Variants in CDKAL1 observed in about 807,000 individuals in gnomAD.
CDKAL1 encodes the protein CDKAL1 threonylcarbamoyladenosine tRNA methylthiotransferase, also known as threonylcarbamoyladenosine tRNA methylthiotransferase.
Under a neutral mutation model 68.2 loss-of-function variants are expected in CDKAL1, and 32 were observed. The ratio of observed to expected loss-of-function variants is 0.47; its 90% CI spans 0.35 to 0.63. The LOEUF (loss-of-function observed/expected upper bound fraction) is 0.63, where lower values mean the gene tolerates loss of function less well. CDKAL1 is among the 30% of genes least tolerant of loss of function. CDKAL1 has a pLI of 0.00. For synonymous variants in CDKAL1, 234 were observed against 244.3 expected (o/e 0.96, Z 0.39); for missense variants, 606 against 696.7 (o/e 0.87, Z 1.47).
chr6:20,871,222 A>T (rs1310159299), intron 9 of CDKAL1, among the ~76,000 whole-genome samples: 1 of 152,226 alleles, frequency 6.6e-6, no homozygotes, highest in African/African-American at 2.4e-5. Context: ...TTATCAGTAC[A>T]TGAACATTTT....
intron 7 of CDKAL1, among the ~76,000 whole-genome samples, chr6:20,762,813 G>A (rs1774529015): frequency 6.6e-6 from 1 of 152,086 alleles, no homozygotes; most frequent in Non-Finnish European, 1.5e-5. Context: ...CAATCTGACT[G>A]CATATCCTGC....
chr6:20,737,392 G>A (rs889247725), intron 5 of CDKAL1, among the ~76,000 whole-genome samples: 14 of 152,132 alleles, frequency 9.2e-5, no homozygotes, highest in East Asian at 3.9e-4. Flanking sequence ...CTTCATTACC[G>A]TGTTCTCTTA....
chr6:20,848,605 A>G (rs1156429762), intron 9 of CDKAL1, among the ~76,000 whole-genome samples: 1 of 151,924 alleles, frequency 6.6e-6, no homozygotes, highest in Non-Finnish European at 1.5e-5. Flanking sequence ...TTAGAAGATT[A>G]CTCTTATTAA....
intron 8 of CDKAL1, among the ~76,000 whole-genome samples, chr6:20,843,246 C>T (rs1260340458): frequency 6.6e-6 from 1 of 151,832 alleles, no homozygotes; most frequent in Non-Finnish European, 1.5e-5. Flanking sequence ...ATACAGACAC[C>T]ATTCTGAGTA....
At chr6:20,910,037 C>A (rs987678518) in intron 9 of CDKAL1, among the ~76,000 whole-genome samples, 2 of 152,206 alleles carry the variant, frequency 1.3e-5, no homozygotes, top group African/African-American at 4.8e-5. Flanking sequence ...ATTTGTTAAT[C>A]CCAGCAGTTT....
chr6:21,003,367 T>TACACACACACACACACACACACACACAC (rs1483081425), intron 11 of CDKAL1, among the ~76,000 whole-genome samples: 2 of 65,660 alleles, frequency 3.0e-5, no homozygotes, highest in African/African-American at 1.7e-4. Context: ...TATATATATA[T>TACACACACACACACACACACACACACAC]ATATACACAC....
chr6:20,936,551 AT>A (rs961793572), intron 9 of CDKAL1, among the ~76,000 whole-genome samples: 56 of 144,650 alleles, frequency 3.9e-4, no homozygotes, highest in Admixed American at 6.2e-4. Flanking sequence ...CGCCCGGCCC[AT>A]TTTTTTTTTT....
At chr6:20,558,807 A>C (rs1764158543) in intron 4 of CDKAL1, 1 of 345,218 alleles carries the variant, frequency 2.9e-6, no homozygotes, top group East Asian at 7.7e-5. Flanking sequence ...AGAAAAGTCG[A>C]CATAAGAGAA....
intron 11 of CDKAL1, among the ~76,000 whole-genome samples, chr6:21,025,803 T>A (rs1297278519): frequency 1.3e-5 from 2 of 152,110 alleles, no homozygotes; most frequent in African/African-American, 4.8e-5. Flanking sequence ...TGCTAATTCA[T>A]CTGCTTGCTT....
At chr6:20,764,268 A>T (rs969875171) in intron 7 of CDKAL1, among the ~76,000 whole-genome samples, 1 of 152,218 alleles carries the variant, frequency 6.6e-6, no homozygotes, top group Non-Finnish European at 1.5e-5. Context: ...TTTTACCATT[A>T]CGTCATGTTT....
chr6:21,160,992 T>C (rs1381121942), intron 13 of CDKAL1, among the ~76,000 whole-genome samples: 1 of 139,288 alleles, frequency 7.2e-6, no homozygotes, highest in Non-Finnish European at 1.6e-5. Flanking sequence ...AAATGCAAAT[T>C]AAGAAAAAAA....
chr6:21,071,588 T>C (rs1771771205), intron 12 of CDKAL1, among the ~76,000 whole-genome samples: 1 of 152,186 alleles, frequency 6.6e-6, no homozygotes, highest in Non-Finnish European at 1.5e-5. Context: ...CATTTCTGCT[T>C]TTTAGTTTTG....
At chr6:20,704,083 G>T (rs1345065556) in intron 5 of CDKAL1, among the ~76,000 whole-genome samples, 1 of 152,076 alleles carries the variant, frequency 6.6e-6, no homozygotes, top group Admixed American at 6.5e-5. Context: ...ACTGTTTGAG[G>T]CTCTGGGATT....
At chr6:20,570,228 C>T (rs908145115) in intron 4 of CDKAL1, among the ~76,000 whole-genome samples, 2 of 151,826 alleles carry the variant, frequency 1.3e-5, no homozygotes, top group Admixed American at 6.6e-5. Flanking sequence ...CTCAGCCTCC[C>T]GAGTAGCTGG....
intron 6 of CDKAL1, among the ~76,000 whole-genome samples, chr6:20,741,653 G>GAT (rs1773464430): frequency 6.6e-6 from 1 of 151,696 alleles, no homozygotes; most frequent in Non-Finnish European, 1.5e-5. Context: ...TCTTGTTTTT[G>GAT]TTTTTTTATG....
chr6:21,183,089 C>T (rs1374336894), intron 13 of CDKAL1, among the ~76,000 whole-genome samples: 2 of 150,786 alleles, frequency 1.3e-5, no homozygotes, highest in Non-Finnish European at 1.5e-5. Flanking sequence ...TTAACTCTTT[C>T]AAGCAGGCAT....
At chr6:20,768,728 A>G (rs1012507931) in intron 7 of CDKAL1, among the ~76,000 whole-genome samples, 12 of 152,048 alleles carry the variant, frequency 7.9e-5, no homozygotes, top group Admixed American at 2.0e-4. Context: ...ACCCGGGAGC[A>G]TGTTTATTTT....
chr6:20,579,937 T>C (rs1765073451), intron 4 of CDKAL1, among the ~76,000 whole-genome samples: 2 of 152,210 alleles, frequency 1.3e-5, no homozygotes, highest in Non-Finnish European at 2.9e-5. Context: ...GGATGATTTA[T>C]AATTTGAAAT....
At chr6:21,063,713 T>C (rs906340411) in intron 11 of CDKAL1, among the ~76,000 whole-genome samples, 9 of 152,158 alleles carry the variant, frequency 5.9e-5, no homozygotes, top group South Asian at 2.1e-4. Context: ...AATAGTAATA[T>C]TGAATTAATT....
Sources: allele counts gnomAD v4.1 joint callset (sites outside exome capture counted in the v4.1 genomes callset), GRCh38; gene constraint gnomAD v4.1.1; transcripts MANE v1.5; gene names NCBI Gene and HGNC (gene_info 2026-07-23, HGNC 2026-07-21).